The following WWOX variants were observed in gnomAD, a reference collection of about 807,000 sequenced individuals.
The protein encoded by WWOX is WW domain containing oxidoreductase.
Under a neutral mutation model 46.2 loss-of-function variants are expected in WWOX, and 69 were observed. The ratio of observed to expected loss-of-function variants is 1.49; its 90% CI spans 1.23 to 1.82. WWOX has a LOEUF of 1.82. WWOX is among the 40% of genes most tolerant of loss of function. The pLI, the probability that WWOX is intolerant of heterozygous loss-of-function variation, is 0.00. For synonymous variants in WWOX, 359 were observed against 202.6 expected (o/e 1.77, Z -6.56); for missense variants, 919 against 542.6 (o/e 1.69, Z -6.89).
At chr16:79,099,106 C>T (rs1016464161) in intron 8 of WWOX, among the ~76,000 whole-genome samples, 2 of 152,038 alleles carry the variant, frequency 1.3e-5, no homozygotes, top group East Asian at 1.9e-4. Context: ...AGGGAAGTGC[C>T]AGGCTCTTTT....
At chr16:78,778,785 C>G (rs1014104753) in intron 8 of WWOX, among the ~76,000 whole-genome samples, 2 of 152,166 alleles carry the variant, frequency 1.3e-5, no homozygotes, top group African/African-American at 4.8e-5. Context: ...CAACCCTGAG[C>G]CATTTCTGTC....
At chr16:78,733,536 A>T (rs1402171153) in intron 8 of WWOX, among the ~76,000 whole-genome samples, 1 of 151,706 alleles carries the variant, frequency 6.6e-6, no homozygotes, top group Non-Finnish European at 1.5e-5. Flanking sequence ...TCACGAGGTC[A>T]GGAGATCGAG....
intron 8 of WWOX, among the ~76,000 whole-genome samples, chr16:78,833,245 C>G (rs74933163): frequency 0.027 from 4,087 of 152,130 alleles, 75 homozygotes; most frequent in African/African-American, 0.054. Context: ...GGCTTGCTTG[C>G]TTTTTTCTCC....
intron 8 of WWOX, among the ~76,000 whole-genome samples, chr16:78,884,296 AAAG>A (rs2044407007): frequency 3.3e-5 from 5 of 150,656 alleles, no homozygotes; most frequent in Non-Finnish European, 7.4e-5. Flanking sequence ...AAAAAAAACA[AAAG>A]ACCATTTTTA....
intron 5 of WWOX, among the ~76,000 whole-genome samples, chr16:78,319,866 G>A (rs368609079): frequency 1.8e-4 from 27 of 152,168 alleles, no homozygotes; most frequent in African/African-American, 5.5e-4. Context: ...ATCACCTCAC[G>A]CGTCTTTTCT....
At chr16:78,827,514 G>C (rs1471289806) in intron 8 of WWOX, among the ~76,000 whole-genome samples, 2 of 152,046 alleles carry the variant, frequency 1.3e-5, no homozygotes, top group Admixed American at 6.6e-5. Flanking sequence ...CCCCAGGACT[G>C]AAAGGAGCTG....
At chr16:79,011,205 T>A (rs2047300145) in intron 8 of WWOX, among the ~76,000 whole-genome samples, 2 of 150,642 alleles carry the variant, frequency 1.3e-5, no homozygotes, top group South Asian at 2.1e-4. Context: ...GTTGCAGACA[T>A]CATCACGGCT....
At chr16:78,648,377 T>A (rs921519274) in intron 8 of WWOX, among the ~76,000 whole-genome samples, 1 of 152,150 alleles carries the variant, frequency 6.6e-6, no homozygotes, top group African/African-American at 2.4e-5. Context: ...ACTTACTGCT[T>A]TGGGGAAGAG....
intron 4 of WWOX, among the ~76,000 whole-genome samples, chr16:78,152,316 A>G (rs1168101668): frequency 6.6e-6 from 1 of 152,210 alleles, no homozygotes; most frequent in Non-Finnish European, 1.5e-5. Flanking sequence ...ATATAACCTA[A>G]TTGATAAAAC....
chr16:78,513,978 T>C (rs2085427764), intron 8 of WWOX, among the ~76,000 whole-genome samples: 1 of 151,146 alleles, frequency 6.6e-6, no homozygotes, highest in Admixed American at 6.6e-5. Flanking sequence ...AGGTGTCTGT[T>C]ACAAGTCCTG....
chr16:78,819,315 A>T (rs2051429309), intron 8 of WWOX, among the ~76,000 whole-genome samples: 1 of 152,182 alleles, frequency 6.6e-6, no homozygotes, highest in Non-Finnish European at 1.5e-5. Flanking sequence ...ACACCGGACC[A>T]AATTGAGGAC....
At chr16:78,578,881 G>A (rs773166990) in intron 8 of WWOX, among the ~76,000 whole-genome samples, 1 of 152,176 alleles carries the variant, frequency 6.6e-6, no homozygotes, top group Non-Finnish European at 1.5e-5. Flanking sequence ...TGGGAAAGGT[G>A]CATCTCTACA....
intron 8 of WWOX, among the ~76,000 whole-genome samples, chr16:78,807,321 A>T (rs1354590909): frequency 6.6e-6 from 1 of 152,250 alleles, no homozygotes; most frequent in African/African-American, 2.4e-5. Context: ...AAGTGTTTAC[A>T]GATGCCAGTG....
chr16:79,006,509 T>A (rs1326100622), intron 8 of WWOX, among the ~76,000 whole-genome samples: 1 of 152,096 alleles, frequency 6.6e-6, no homozygotes. Context: ...AGTTACGCTT[T>A]TTTTTTTTCC....
chr16:79,032,354 A>C (rs1458005119), intron 8 of WWOX, among the ~76,000 whole-genome samples: 2 of 146,444 alleles, frequency 1.4e-5, no homozygotes, highest in African/African-American at 5.0e-5. Context: ...AATATATAAT[A>C]TATTCTATGT....
At chr16:78,381,894 C>G (rs975216445) in intron 5 of WWOX, among the ~76,000 whole-genome samples, 1 of 152,108 alleles carries the variant, frequency 6.6e-6, no homozygotes, top group African/African-American at 2.4e-5. Flanking sequence ...CTCAGACAGT[C>G]TTGTTCTGTT....
At chr16:78,556,207 G>A (rs998043884) in intron 8 of WWOX, among the ~76,000 whole-genome samples, 1 of 151,434 alleles carries the variant, frequency 6.6e-6, no homozygotes, top group Non-Finnish European at 1.5e-5. Context: ...CCAGCCTATC[G>A]TGCATCAGAT....
intron 8 of WWOX, among the ~76,000 whole-genome samples, chr16:79,042,489 C>A (rs1358742778): frequency 6.6e-6 from 1 of 152,146 alleles, no homozygotes; most frequent in Non-Finnish European, 1.5e-5. Context: ...TCAGCCTGAT[C>A]CTATTCGCAT....
chr16:78,109,805 C>T lies in WWOX; in HGVS notation c.200C>T (p.Thr67Ile), dbSNP rs752003995. Residue 67 changes from threonine (T) to isoleucine (I), a missense_variant, in exon 3 of 9, where the codon ACT becomes ATT. By Grantham distance (89) the Thr-to-Ile change is moderately conservative. Transcript: ENST00000566780. ...GDLPYGWEQE[T>I]DENGQVFFVD... ...TTGCCATACGGATGGGAACAAGAAA[C>T]TGATGAGAACGGACAAGTGTTTTTT... The T allele has an allele frequency of 6.2e-7, 1 of 1,614,100 alleles. No homozygotes were observed. Among genetic ancestry groups the T allele is most frequent in the South Asian group, 1.1e-5 (1 of 91,078 alleles).
Sources: gnomAD v4.1 joint callset for allele counts (sites outside exome capture counted in the v4.1 genomes callset) on GRCh38, gnomAD v4.1.1 for gene constraint, MANE v1.5 for transcripts, NCBI Gene and HGNC (gene_info 2026-07-23, HGNC 2026-07-21) for gene names.